Variants in NTMT2 observed in about 807,000 individuals in gnomAD.
NTMT2 encodes the protein X-Pro-Lys N-terminal protein methyltransferase 1B.
In NTMT2, 21 loss-of-function variants were observed where a neutral mutation model predicts 23.4. The observed-to-expected ratio is 0.90, with a 90% CI of 0.64 to 1.29. The LOEUF is 1.29. NTMT2 is among the 50% of genes most tolerant of loss of function. The probability of loss-of-function intolerance (pLI) is 0.00; values close to 1 mark genes in which losing one functional copy is unlikely to be tolerated. For synonymous variants in NTMT2, 131 were observed against 127.7 expected, an observed-to-expected ratio of 1.03 and a Z score of -0.17; for missense variants, 336 against 352.0, an observed-to-expected ratio of 0.95 and a Z score of 0.36.
At chr1:170,149,361 A>G (rs1157944696) in intron 1 of NTMT2, among the ~76,000 whole-genome samples, 1 of 152,220 alleles carries the variant, frequency 6.6e-6, no homozygotes, top group Non-Finnish European at 1.5e-5. Context: ...CTTTTATTCA[A>G]TTAGAAGGCT....
Position 170,154,045 on chromosome 1 carries a change from A to G in NTMT2, c.155-6473A>G, listed in dbSNP as rs142643848. On this transcript the variant is annotated intron_variant, in intron 1 of 3. Transcript: ENST00000439373. Reference sequence around the variant, plus strand: ...CTCAGAGCACTGTTCTCCATATCCCACTCCAGCTCTAGCTGTGGCTCAAAG... The same window carrying G: ...CTCAGAGCACTGTTCTCCATATCCCGCTCCAGCTCTAGCTGTGGCTCAAAG... 7.3e-3 allele frequency among the ~76,000 whole-genome samples: 1,110 copies of G among 152,068 alleles called. 9 individuals carry two copies. Among genetic ancestry groups the G allele is most frequent in the Non-Finnish European group, 0.011 (765 of 67,980 alleles).
chr1:170,150,376 T>A (rs1210574979), intron 1 of NTMT2, among the ~76,000 whole-genome samples: 1 of 152,250 alleles, frequency 6.6e-6, no homozygotes, highest in Non-Finnish European at 1.5e-5. Context: ...AGAACAAGCC[T>A]ATCATTGTTC....
chr1:170,153,684 C>T (rs929081450), intron 1 of NTMT2, among the ~76,000 whole-genome samples: 2 of 152,226 alleles, frequency 1.3e-5, no homozygotes, highest in African/African-American at 4.8e-5. Context: ...CTGGCTGCTT[C>T]TAACAGCTTA....
chr1:170,152,268 A>C (rs1673084308), intron 1 of NTMT2, among the ~76,000 whole-genome samples: 1 of 152,212 alleles, frequency 6.6e-6, no homozygotes, highest in Admixed American at 6.5e-5. Context: ...AATTCTACAG[A>C]GGTGCAAAGG....
chr1:170,158,640 A>C (rs1162974535), intron 1 of NTMT2, among the ~76,000 whole-genome samples: 1 of 151,816 alleles, frequency 6.6e-6, no homozygotes, highest in Non-Finnish European at 1.5e-5. Flanking sequence ...TTCTTTAATA[A>C]TTTTCTTCCC....
chr1:170,146,633 T>C (rs1672969628), intron 1 of NTMT2, among the ~76,000 whole-genome samples: 1 of 152,162 alleles, frequency 6.6e-6, no homozygotes, highest in Admixed American at 6.5e-5. Context: ...ATTAATACAT[T>C]GAGTAAGAGT....
In NTMT2 at chr1:170,168,240, C is replaced by CAAAAAAAA. The variant is rs57166192; in HGVS notation, c.*490_*497dup. Among the ~76,000 whole-genome samples the CAAAAAAAA allele has an allele frequency of 9.4e-5, 11 of 116,526 alleles. No homozygotes were observed. Among genetic ancestry groups the CAAAAAAAA allele is most frequent in the Non-Finnish European group, 1.3e-4 (7 of 54,222 alleles). The allele number at this position is 116,526 out of a possible 152,430, so 76.4% of individuals were successfully genotyped here. A position where few individuals can be genotyped will look rare whatever the true frequency, so the allele number is the denominator to read the frequency against. ...CAGATAAAGCATTTGTCTACTCAAACAAAAAAAAAAAAAAGAAAAAGAAAC... is the reference window on the plus strand; with the variant it reads ...CAGATAAAGCATTTGTCTACTCAAACAAAAAAAAAAAAAAAAAAAAAAGAAAAAGAAAC... On this transcript the variant is annotated 3_prime_UTR_variant, in exon 4 of 4. Transcript: ENST00000439373.
At chr1:170,151,088 G>A (rs1673059672) in intron 1 of NTMT2, among the ~76,000 whole-genome samples, 1 of 152,094 alleles carries the variant, frequency 6.6e-6, no homozygotes, top group South Asian at 2.1e-4. Context: ...TAGAACAATG[G>A]TTCTGTGTGG....
intron 1 of NTMT2, among the ~76,000 whole-genome samples, chr1:170,154,835 T>C (rs1365717964): frequency 6.6e-6 from 1 of 152,106 alleles, no homozygotes; most frequent in Non-Finnish European, 1.5e-5. Flanking sequence ...CAGAATCATA[T>C]GGTTTGGATA....
intron 1 of NTMT2, chr1:170,158,157 GT>G (rs1355657104): frequency 1.3e-5 from 2 of 152,032 alleles, no homozygotes; most frequent in Non-Finnish European, 2.9e-5. Context: ...ATGAAGTTTA[GT>G]TTCCAAAAAT....
chr1:170,152,222 A>T (rs983448503), intron 1 of NTMT2, among the ~76,000 whole-genome samples: 7 of 152,282 alleles, frequency 4.6e-5, no homozygotes, highest in Admixed American at 2.0e-4. Context: ...AATACTTTTT[A>T]AAAATGTGGT....
chr1:170,153,672 G>T (rs1486148974), intron 1 of NTMT2, among the ~76,000 whole-genome samples: 2 of 152,236 alleles, frequency 1.3e-5, no homozygotes, highest in Non-Finnish European at 2.9e-5. Flanking sequence ...GCAAGATGTG[G>T]CCTGGCTGCT....
At chr1:170,156,200 A>T (rs1343423924) in intron 1 of NTMT2, among the ~76,000 whole-genome samples, 6 of 152,124 alleles carry the variant, frequency 3.9e-5, no homozygotes, top group Non-Finnish European at 7.4e-5. Flanking sequence ...CATCTGCTGC[A>T]TGCCCAGCGC....
intron 1 of NTMT2, among the ~76,000 whole-genome samples, chr1:170,146,786 G>T (rs1250048321): frequency 6.6e-6 from 1 of 152,184 alleles, no homozygotes; most frequent in Non-Finnish European, 1.5e-5. Flanking sequence ...AAAAAAAGGA[G>T]ATTTTAGCTT....
chr1:170,166,067 A>G (rs549448249), intron 2 of NTMT2, among the ~76,000 whole-genome samples: 36 of 151,732 alleles, frequency 2.4e-4, no homozygotes, highest in African/African-American at 8.7e-4. Flanking sequence ...ATTTCATTTC[A>G]TAAAATTTAC....
At chr1:170,153,680 G>T (rs1265012868) in intron 1 of NTMT2, among the ~76,000 whole-genome samples, 1 of 152,192 alleles carries the variant, frequency 6.6e-6, no homozygotes, top group Admixed American at 6.5e-5. Flanking sequence ...TGGCCTGGCT[G>T]CTTCTAACAG....
At chr1:170,149,369 G>C (rs542345147) in intron 1 of NTMT2, among the ~76,000 whole-genome samples, 1 of 152,180 alleles carries the variant, frequency 6.6e-6, no homozygotes, top group African/African-American at 2.4e-5. Flanking sequence ...CAATTAGAAG[G>C]CTTCCCTTAA....
chr1:170,149,483 C>T (rs1438274008), intron 1 of NTMT2, among the ~76,000 whole-genome samples: 2 of 152,134 alleles, frequency 1.3e-5, no homozygotes, highest in Admixed American at 1.3e-4. Flanking sequence ...GACTCTCATT[C>T]CCATGAGAGT....
At chr1:170,162,024 A>G (rs1428990364) in intron 2 of NTMT2, among the ~76,000 whole-genome samples, 1 of 152,222 alleles carries the variant, frequency 6.6e-6, no homozygotes, top group African/African-American at 2.4e-5. Flanking sequence ...CAGGAGGCGG[A>G]GATTGCAGTG....
Sources: gnomAD v4.1 joint callset for allele counts (sites outside exome capture counted in the v4.1 genomes callset) on GRCh38, gnomAD v4.1.1 for gene constraint, MANE v1.5 for transcripts, NCBI Gene and HGNC (gene_info 2026-07-23, HGNC 2026-07-21) for gene names.